The following PALLD variants were observed in gnomAD, a reference collection of about 807,000 sequenced individuals.
The protein encoded by PALLD is palladin.
PALLD carries 61 observed loss-of-function variants against 123.5 expected under a neutral mutation model. The observed-to-expected ratio is 0.49, with a 90% CI of 0.40 to 0.61. PALLD has a LOEUF of 0.61. PALLD is among the 20% of genes least tolerant of loss of function. The pLI is 0.00. For missense variants in PALLD, 1,273 were observed against 1,377.0 expected (o/e 0.92, Z 1.20); for synonymous variants, 465 against 496.4 (o/e 0.94, Z 0.84).
chr4:168,913,357 T>C (rs549035571), intron 15 of PALLD, among the ~76,000 whole-genome samples: 10 of 152,206 alleles, frequency 6.6e-5, no homozygotes, highest in Admixed American at 2.0e-4. Flanking sequence ...CAGGCTGGGC[T>C]CGAACTCCTG....
intron 11 of PALLD, among the ~76,000 whole-genome samples, chr4:168,893,915 AT>A (rs1754576675): frequency 6.6e-6 from 1 of 152,176 alleles, no homozygotes; most frequent in African/African-American, 2.4e-5. Flanking sequence ...GTCTTGTGTA[AT>A]CCTGTTGCTA....
At chr4:168,558,906 T>C (rs1029699508) in intron 2 of PALLD, among the ~76,000 whole-genome samples, 2 of 152,238 alleles carry the variant, frequency 1.3e-5, no homozygotes, top group Non-Finnish European at 2.9e-5. Context: ...TTTCTCTGTT[T>C]ATAAAATGAC....
At chr4:168,686,625 C>T (rs1782083531) in intron 6 of PALLD, 2 of 152,342 alleles carry the variant, frequency 1.3e-5, no homozygotes, top group South Asian at 2.1e-4. Context: ...TGGAACGCTT[C>T]ACGAATTTGC....
chr4:168,626,301 C>G (rs188034606), intron 2 of PALLD, among the ~76,000 whole-genome samples: 7 of 150,416 alleles, frequency 4.7e-5, no homozygotes, highest in African/African-American at 1.7e-4. Context: ...ACTCGGGAGG[C>G]TGAGGCAGGA....
intron 10 of PALLD, among the ~76,000 whole-genome samples, chr4:168,794,508 A>ACG (rs770970077): frequency 0.01 from 1,406 of 134,314 alleles, 15 homozygotes; most frequent in African/African-American, 0.03. Context: ...ACACACACGC[A>ACG]CACACACACA....
intron 10 of PALLD, among the ~76,000 whole-genome samples, chr4:168,778,362 G>A (rs1037395482): frequency 3.3e-5 from 5 of 152,128 alleles, no homozygotes; most frequent in Admixed American, 1.3e-4. Flanking sequence ...TAATACTTGT[G>A]GTTTAAGACA....
intron 2 of PALLD, among the ~76,000 whole-genome samples, chr4:168,544,708 C>A (rs996346577): frequency 1.3e-5 from 2 of 152,114 alleles, no homozygotes; most frequent in African/African-American, 4.8e-5. Context: ...CTTCTTATTT[C>A]CTAGTTTATT....
intron 2 of PALLD, among the ~76,000 whole-genome samples, chr4:168,579,787 G>A (rs752555861): frequency 6.6e-6 from 1 of 151,742 alleles, no homozygotes; most frequent in African/African-American, 2.4e-5. Context: ...TATATATAAA[G>A]TATACAATGT....
intron 2 of PALLD, among the ~76,000 whole-genome samples, chr4:168,556,148 T>C (rs1426657169): frequency 2.0e-5 from 3 of 151,714 alleles, no homozygotes; most frequent in Non-Finnish European, 2.9e-5. Context: ...CAGGCTGGAG[T>C]GCAGTGGCGC....
At chr4:168,680,081 A>G (rs1781390563) in intron 3 of PALLD, among the ~76,000 whole-genome samples, 1 of 152,202 alleles carries the variant, frequency 6.6e-6, no homozygotes, top group African/African-American at 2.4e-5. Context: ...TATGTATTCT[A>G]AATCTACTGA....
chr4:168,612,506 A>G (rs1773836698), intron 2 of PALLD, among the ~76,000 whole-genome samples: 1 of 152,178 alleles, frequency 6.6e-6, no homozygotes, highest in Non-Finnish European at 1.5e-5. Flanking sequence ...GCAGCTGAAC[A>G]ATGGTGAAAG....
chr4:168,690,767 C>T, intron 7 of PALLD, 23 bp downstream of exon 7: 2 of 1,612,292 alleles, frequency 1.2e-6, no homozygotes, highest in Non-Finnish European at 1.7e-6. Context: ...GCCCATGTCC[C>T]CAAATCTGAC....
At chr4:168,587,566 C>G (rs772144656) in intron 2 of PALLD, among the ~76,000 whole-genome samples, 8 of 152,134 alleles carry the variant, frequency 5.3e-5, no homozygotes, top group Admixed American at 6.5e-5. Context: ...TTATGAAGGA[C>G]AGCTGTGCCA....
Position 168,576,505 on chromosome 4 carries a change from C to A in PALLD, c.908+64093C>A, listed in dbSNP as rs55754851. Among the ~76,000 whole-genome samples, 25 of 151,980 alleles carry A rather than the reference C, an allele frequency of 1.6e-4. No homozygotes were observed. In the East Asian group the frequency reaches 3.3e-3, roughly 20 times the overall value. ...GCGGTGTTGTGGTTTTTTGTCCTTG[C>A]GATAGTTTGCTGAGAATGATGGTTT... On this transcript the variant is annotated intron_variant, in intron 2 of 21. Coordinates refer to ENST00000505667, the MANE Select transcript of PALLD (RefSeq NM_001166108.2).
intron 18 of PALLD, among the ~76,000 whole-genome samples, chr4:168,923,283 G>C (rs968236522): frequency 2.6e-5 from 4 of 152,210 alleles, no homozygotes; most frequent in African/African-American, 7.2e-5. Flanking sequence ...CTAACTCGTG[G>C]TGTTGGAGAG....
intron 2 of PALLD, among the ~76,000 whole-genome samples, chr4:168,547,773 C>T (rs1212347202): frequency 6.6e-6 from 1 of 151,738 alleles, no homozygotes; most frequent in Non-Finnish European, 1.5e-5. Context: ...TGGTGAAACC[C>T]CATCTCTATT....
intron 10 of PALLD, among the ~76,000 whole-genome samples, chr4:168,783,547 G>T (rs981728132): frequency 6.6e-6 from 1 of 152,196 alleles, no homozygotes; most frequent in Non-Finnish European, 1.5e-5. Context: ...TTAAAAGAAA[G>T]CAGGTAACTA....
At chr4:168,679,483 G>C (rs1781323796) in intron 3 of PALLD, among the ~76,000 whole-genome samples, 1 of 120,022 alleles carries the variant, frequency 8.3e-6, no homozygotes, top group Non-Finnish European at 1.7e-5. Context: ...GGGGGGTGTG[G>C]TGTGTGGTGG....
chr4:168,616,203 T>C (rs975825840), intron 2 of PALLD, among the ~76,000 whole-genome samples: 1 of 152,190 alleles, frequency 6.6e-6, no homozygotes, highest in Admixed American at 6.5e-5. Context: ...CTCTAACTTG[T>C]TTTATTTTGA....
Sources: gnomAD v4.1 joint callset for allele counts (sites outside exome capture counted in the v4.1 genomes callset) on GRCh38, gnomAD v4.1.1 for gene constraint, MANE v1.5 for transcripts, NCBI Gene and HGNC (gene_info 2026-07-23, HGNC 2026-07-21) for gene names.